The following CHD1L variants were observed in gnomAD, a reference collection of about 807,000 sequenced individuals.
CHD1L encodes the protein ATP-dependent chromatin remodeler CHD1L.
In CHD1L, 118 loss-of-function variants were observed where a neutral mutation model predicts 115.9. The ratio of observed to expected loss-of-function variants is 1.02; its 90% CI spans 0.88 to 1.19. CHD1L has a LOEUF of 1.19. CHD1L is among the 50% of genes most tolerant of loss of function. CHD1L has a pLI of 0.00. For synonymous variants in CHD1L, 411 were observed against 387.1 expected, an observed-to-expected ratio of 1.06 and a Z score of -0.72; for missense variants, 1,179 against 1,065.3, an observed-to-expected ratio of 1.11 and a Z score of -1.49.
the CHD1L span, among the ~76,000 whole-genome samples, chr1:147,185,397 T>A: frequency 1.3e-5 from 2 of 152,152 alleles, no homozygotes; most frequent in South Asian, 2.1e-4. Flanking sequence ...GCTTTTGATA[T>A]GCAGATTTAA....
At position 147,276,088 on chromosome 1, in the gene CHD1L, TTTGAC is replaced by T. The variant is rs1413183239; in HGVS notation, c.1386-13_1386-9del. On this transcript the variant is annotated splice_polypyrimidine_tract_variant and intron_variant, in intron 13 of 22. Coordinates refer to ENST00000369258, the MANE Select transcript of CHD1L (RefSeq NM_004284.6). Reference sequence around the variant, plus strand: ...ACACCCTTATAGCACACTACCCTTGTTTGACTTATGTCCAGGTCTGTTAAAGTTAT... The same window carrying T: ...ACACCCTTATAGCACACTACCCTTGTTTATGTCCAGGTCTGTTAAAGTTAT... 1 of 1,613,568 alleles carries T rather than the reference TTTGAC, an allele frequency of 6.2e-7. No homozygotes were observed.
At position 147,266,023 on chromosome 1, in the gene CHD1L, G is replaced by GAT; in HGVS notation, c.835_836dup (p.His280ThrfsTer16). On this transcript the variant is annotated frameshift_variant, in exon 8 of 23. Transcript: ENST00000369258. LOFTEE classifies it high-confidence loss of function. ...AGCTTCCCAAGAAGACAGAAGTAGT[G>GAT]ATATACCATGGCATGTCAGCATTGC... 6.2e-7 allele frequency: 1 copy of GAT among 1,613,794 alleles called. No individual in the cohort carries two copies. Among genetic ancestry groups the GAT allele is most frequent in the Non-Finnish European group, 8.5e-7 (1 of 1,179,830 alleles).
chr1:147,295,310 G>C, intron 22 of CHD1L, 121 bp from the exon 23 acceptor site: 2 of 707,020 alleles, frequency 2.8e-6, no homozygotes, highest in South Asian at 1.6e-5. Flanking sequence ...TTATGATATC[G>C]TGAGAGAATT....
chr1:147,178,441 G>A, the CHD1L span: 1 of 1,611,510 alleles, frequency 6.2e-7, no homozygotes, highest in Non-Finnish European at 8.5e-7. Flanking sequence ...TAGAGATGGT[G>A]AAGAAGCAGG....
the CHD1L span, chr1:147,176,521 A>G: frequency 0.049 from 7,511 of 152,260 alleles, 193 homozygotes; most frequent in African/African-American, 0.07. Context: ...GAGGGCCCCA[A>G]TACTTGTTGA....
At chr1:147,180,671 C>T in the CHD1L span, among the ~76,000 whole-genome samples, 2 of 152,156 alleles carry the variant, frequency 1.3e-5, no homozygotes, top group Non-Finnish European at 2.9e-5. Context: ...AGCTCCATGC[C>T]ATTTCTCACC....
intron 19 of CHD1L, among the ~76,000 whole-genome samples, chr1:147,290,948 C>T (rs587629560): frequency 3.0e-4 from 45 of 152,252 alleles, no homozygotes; most frequent in East Asian, 1.2e-3. Flanking sequence ...TCACTGTGCT[C>T]GGCCATATAT....
upstream of CHD1L, among the ~76,000 whole-genome samples, chr1:147,242,073 G>T (rs1014608261): frequency 6.6e-6 from 1 of 152,120 alleles, no homozygotes; most frequent in African/African-American, 2.4e-5. Context: ...AGCTGATGCT[G>T]AGTCACGGTG....
At chr1:147,225,915 C>A in the CHD1L span, 1 of 152,188 alleles carries the variant, frequency 6.6e-6, no homozygotes, top group Non-Finnish European at 1.5e-5. Flanking sequence ...TTAAGGGGTC[C>A]ACGTGAAAGG....
chr1:147,293,531 C>A, intron 20 of CHD1L, 77 bp from the exon 21 acceptor site: 1 of 1,215,186 alleles, frequency 8.2e-7, no homozygotes, highest in South Asian at 1.2e-5. Context: ...AAGGGCTGTG[C>A]CGCCTCCATG....
the CHD1L span, among the ~76,000 whole-genome samples, chr1:147,229,314 G>C: frequency 2.8e-4 from 42 of 152,226 alleles, 1 homozygote; most frequent in East Asian, 5.4e-3. Context: ...AGATCAGATG[G>C]TTGTAGATAT....
chr1:147,198,395 C>T, the CHD1L span, among the ~76,000 whole-genome samples: 5 of 152,096 alleles, frequency 3.3e-5, no homozygotes, highest in Non-Finnish European at 5.9e-5. Flanking sequence ...TATGCATAGA[C>T]TTTTCCTATA....
chr1:147,214,246 G>C, the CHD1L span, among the ~76,000 whole-genome samples: 1 of 152,054 alleles, frequency 6.6e-6, no homozygotes, highest in African/African-American at 2.4e-5. Context: ...GAGGTCAGGA[G>C]TTCAAAACTC....
At chr1:147,247,944 A>G (rs1553934585) in intron 1 of CHD1L, among the ~76,000 whole-genome samples, 2 of 152,168 alleles carry the variant, frequency 1.3e-5, no homozygotes, top group African/African-American at 4.8e-5. Flanking sequence ...TTGTATGTCC[A>G]TTGCGTTATC....
chr1:147,179,294 A>G, the CHD1L span: 1 of 1,608,814 alleles, frequency 6.2e-7, no homozygotes, highest in South Asian at 1.1e-5. Context: ...AATAATGAAA[A>G]TAAAGATGTG....
rs189669079 is a variant in CHD1L, at chr1:147,268,895, C to G, written c.1085+17C>G. 2.8e-5 allele frequency: 44 copies of G among 1,590,366 alleles called. 1 individual carries two copies. In the Admixed American group the frequency reaches 4.2e-4, roughly 15 times the overall value. The stretch of plus-strand genomic sequence containing the variant: ...GTATTCTGGGTAGGTGGTAGGTTCA[C>G]ATTTGCTGCTCTGAGCTAATGACTG... On this transcript the variant is annotated intron_variant, in intron 10 of 22. Coordinates refer to ENST00000369258, the MANE Select transcript of CHD1L (RefSeq NM_004284.6).
At chr1:147,270,503 G>A (rs78091754) in intron 10 of CHD1L, among the ~76,000 whole-genome samples, 1,470 of 110,806 alleles carry the variant, frequency 0.013, 20 homozygotes, top group Non-Finnish European at 0.019. Context: ...TTTCTTCAGA[G>A]TCTCCAGTTT....
intron 19 of CHD1L, 24 bp downstream of exon 19, chr1:147,287,757 G>C (rs370054537): frequency 3.2e-5 from 51 of 1,594,670 alleles, no homozygotes; most frequent in Non-Finnish European, 4.4e-5. Context: ...CAGAGGGAAA[G>C]GTTAAGGGTG....
chr1:147,242,785 GC>G lies in CHD1L; in HGVS notation c.83del (p.Ala28GlyfsTer14). 10 of 1,272,866 alleles carry G rather than the reference GC, an allele frequency of 7.9e-6. No individual in the cohort carries two copies. The highest frequency in any genetic ancestry group is 1.0e-5 in the Non-Finnish European group (10 of 1,002,330). 78.8% of individuals were successfully genotyped at this position (1,272,866 alleles called of 1,614,324 possible). On this transcript the variant is annotated frameshift_variant, in exon 1 of 23. Coordinates refer to ENST00000369258, the MANE Select transcript of CHD1L (RefSeq NM_004284.6). LOFTEE classifies it high-confidence loss of function. ...LRLHTEGRAE[A>X]ARVQEQDLRQ... is the part of the protein sequence containing the mutation. The stretch of plus-strand genomic sequence containing the variant: ...GCTTCATACTGAGGGCCGAGCCGAG[GC>G]GGCGCGGGTGCAGGAGCAGGACTTA...
Sources: allele counts gnomAD v4.1 joint callset (sites outside exome capture counted in the v4.1 genomes callset), GRCh38; gene constraint gnomAD v4.1.1; transcripts MANE v1.5; gene names NCBI Gene and HGNC (gene_info 2026-07-23, HGNC 2026-07-21).